The following PCDHB1 variants were observed in gnomAD, a reference collection of about 807,000 sequenced individuals.
PCDHB1 encodes protocadherin beta 1.
Under a neutral mutation model 43.5 loss-of-function variants are expected in PCDHB1, and 44 were observed. That is an observed-to-expected ratio of 1.01 (90% confidence interval 0.79 to 1.30). PCDHB1 has a LOEUF of 1.30. PCDHB1 is among the 50% of genes most tolerant of loss of function. The pLI is 0.00. For synonymous variants in PCDHB1, 392 were observed against 400.8 expected (o/e 0.98, Z 0.26); for missense variants, 919 against 1,008.9 (o/e 0.91, Z 1.21).
rs782541730 is a variant in PCDHB1 at position 141,053,016 on chromosome 5, G to A, written c.1546G>A (p.Ala516Thr). 31 of 1,614,040 alleles carry A rather than the reference G, an allele frequency of 1.9e-5. No homozygotes were observed. The African/African-American group carries it at 2.0e-4, about 10-fold the overall frequency. ...SINSGNGKLY[A>T]LRTMDYEAIQ... ...AAATTCAGGCAATGGGAAGCTCTAC[G>A]CGCTGAGAACCATGGATTATGAGGC... Residue 516 changes from alanine to threonine, a missense_variant, in exon 1 of 1, where the codon GCG (alanine) becomes ACG (threonine). Transcript: ENST00000306549.
In PCDHB1 at chr5:141,052,201, G is replaced by T. The variant is rs376346263; in HGVS notation, c.731G>T (p.Arg244Leu). Residue 244 changes from arginine (R) to leucine (L), a missense_variant, in exon 1 of 1, where the codon CGA (arginine) becomes CTA (leucine). Arg to Leu is a moderately radical substitution (Grantham distance 102). Coordinates refer to ENST00000306549, the MANE Select transcript of PCDHB1 (RefSeq NM_013340.4). ...AACGACCACGTGCCCCAGTTCTCGC[G>T]ACTGGTGTACAGAGCCCAGGTATCA... ...DVNDHVPQFSRLVYRAQVSEN... is the reference protein window; with the variant it reads ...DVNDHVPQFSLLVYRAQVSEN... 6.2e-6 allele frequency: 10 copies of T among 1,614,136 alleles called. No individual in the cohort carries two copies. Among genetic ancestry groups the T allele is most frequent in the Non-Finnish European group, 8.5e-6 (10 of 1,180,020 alleles).
At position 141,052,360 on chromosome 5, in the gene PCDHB1, A is replaced by T; in HGVS notation, c.890A>T (p.Gln297Leu). 6.2e-7 allele frequency: 1 copy of T among 1,614,260 alleles called. No individual in the cohort carries two copies. Among genetic ancestry groups the T allele is most frequent in the Non-Finnish European group, 8.5e-7 (1 of 1,180,046 alleles). ...AILKTFQIDP[Q>L]NGEVRLRGPL... ...CTCAAGACGTTTCAGATTGACCCTCAAAATGGAGAAGTTCGACTAAGAGGA... is the reference window on the plus strand; with the variant it reads ...CTCAAGACGTTTCAGATTGACCCTCTAAATGGAGAAGTTCGACTAAGAGGA... Residue 297 changes from glutamine to leucine, a missense_variant, in exon 1 of 1, where the codon CAA (glutamine) becomes CTA (leucine). Gln to Leu is a moderately radical substitution (Grantham distance 113). Transcript: ENST00000306549.
Position 141,052,077 on chromosome 5 carries a change from G to A in PCDHB1, c.607G>A (p.Glu203Lys). ...GGTGCTGAACAAACCCCTGGACCGA[G>A]AGGAGCAGCCTGAAGTCAACTTGAC... Reference protein sequence around the residue: ...ELVLNKPLDREEQPEVNLTIT... With the variant: ...ELVLNKPLDRKEQPEVNLTIT... The change falls in exon 1 of 1, where the codon GAG becomes AAG. Residue 203 changes from glutamate (E) to lysine (K), a missense_variant. Physicochemically the swap from Glu to Lys is moderately conservative, Grantham distance 56. Transcript: ENST00000306549. 5 of 1,614,164 alleles carry A rather than the reference G, an allele frequency of 3.1e-6. No homozygotes were observed. Among genetic ancestry groups the A allele is most frequent in the Non-Finnish European group, 4.2e-6 (5 of 1,180,036 alleles).
Position 141,051,717 on chromosome 5 carries a change from G to A in PCDHB1, c.247G>A (p.Asp83Asn). Residue 83 changes from aspartate to asparagine, a missense_variant, in exon 1 of 1, where the codon GAT (aspartate) becomes AAT (asparagine). Transcript: ENST00000306549. ...MHFRLHRKTG[D>N]LFVKEKLDRE... is the part of the protein sequence containing the mutation. ...TTTCCGGCTCCACCGCAAGACGGGA[G>A]ATTTGTTTGTGAAGGAGAAACTGGA... The A allele has an allele frequency of 6.2e-7, 1 of 1,614,264 alleles. No individual in the cohort carries two copies. The highest frequency in any genetic ancestry group is 8.5e-7 in the Non-Finnish European group (1 of 1,180,056).
chr5:141,053,403 G>A lies in PCDHB1; in HGVS notation c.1933G>A (p.Val645Ile). 6.2e-7 allele frequency: 1 copy of A among 1,614,164 alleles called. No homozygotes were observed. Among genetic ancestry groups the A allele is most frequent in the East Asian group, 2.2e-5 (1 of 44,882 alleles). Residue 645 changes from valine (V) to isoleucine (I), a missense_variant, in exon 1 of 1, where the codon GTT (valine) becomes ATT (isoleucine). Transcript: ENST00000306549. ...DPMMQKLIIL[V>I]QDHGQPALST... ...CATGATGCAGAAATTGATCATTCTT[G>A]TTCAGGATCACGGCCAACCAGCTCT...
Position 141,058,753 on chromosome 5 carries a change from A to G in PCDHB1, c.*4826A>G, listed in dbSNP as rs1341391996. 2 of 152,186 alleles carry G rather than the reference A, an allele frequency of 1.3e-5. No individual in the cohort carries two copies. Among genetic ancestry groups the G allele is most frequent in the East Asian group, 3.8e-4 (2 of 5,200 alleles). The allele number at this position is 152,186 out of a possible 1,614,324, so 9.4% of individuals were successfully genotyped here. A position where few individuals can be genotyped will look rare whatever the true frequency, so the allele number is the denominator to read the frequency against. On this transcript the variant is annotated 3_prime_UTR_variant, in exon 1 of 1. Coordinates refer to ENST00000306549, the MANE Select transcript of PCDHB1 (RefSeq NM_013340.4). Reference sequence around the variant, plus strand: ...TTGCTAGATATTTCCTGTGGCAATTAATATTGTGGCATTCTAATGGTGATT... The same window carrying G: ...TTGCTAGATATTTCCTGTGGCAATTGATATTGTGGCATTCTAATGGTGATT...
chr5:141,054,007 C>A lies in PCDHB1; in HGVS notation c.*80C>A, dbSNP rs1751068738. ...CAAAGATGTTACATCCTCATTAAAA[C>A]AAAAACTGGTAGTAGATTGCAGCTT... On this transcript the variant is annotated 3_prime_UTR_variant, in exon 1 of 1. Transcript: ENST00000306549. 1 of 1,205,024 alleles carries A rather than the reference C, an allele frequency of 8.3e-7. No individual in the cohort carries two copies. Among genetic ancestry groups the A allele is most frequent in the Non-Finnish European group, 1.2e-6 (1 of 854,406 alleles). The allele number at this position is 1,205,024 out of a possible 1,614,324, so 74.6% of individuals were successfully genotyped here.
Position 141,052,497 on chromosome 5 carries a change from A to G in PCDHB1, c.1027A>G (p.Asn343Asp). 6.2e-7 allele frequency: 1 copy of G among 1,614,094 alleles called. No homozygotes were observed. Among genetic ancestry groups the G allele is most frequent in the Non-Finnish European group, 8.5e-7 (1 of 1,179,958 alleles). ...GGTAGAAGTGGTGGATGTGAATGAC[A>G]ATCCTCCCGAAGTGATGGTCTCCTC... is the stretch of plus-strand genomic sequence containing the variant. ...VLVEVVDVNDNPPEVMVSSVS... is the reference protein window; with the variant it reads ...VLVEVVDVNDDPPEVMVSSVS... The change falls in exon 1 of 1, where the codon AAT (asparagine) becomes GAT (aspartate). Residue 343 changes from asparagine to aspartate, a missense_variant. Coordinates refer to ENST00000306549, the MANE Select transcript of PCDHB1 (RefSeq NM_013340.4).
Position 141,055,139 on chromosome 5 carries a change from G to A in PCDHB1, c.*1212G>A, listed in dbSNP as rs993379641. On this transcript the variant is annotated 3_prime_UTR_variant, in exon 1 of 1. Coordinates refer to ENST00000306549, the MANE Select transcript of PCDHB1 (RefSeq NM_013340.4). ...GTGGGTGAGGAAAAAAATAAAGTAT[G>A]ACGGCTGGGCACCGTGGCTCATGGC... is the stretch of plus-strand genomic sequence containing the variant. 1 of 152,156 alleles carries A rather than the reference G, an allele frequency of 6.6e-6. No individual in the cohort carries two copies. Among genetic ancestry groups the A allele is most frequent in the Admixed American group, 6.6e-5 (1 of 15,266 alleles). The allele number at this position is 152,156 out of a possible 1,614,324, so 9.4% of individuals were successfully genotyped here. A position where few individuals can be genotyped will look rare whatever the true frequency, so the allele number is the denominator to read the frequency against.
rs782799120 is a variant in PCDHB1, at chr5:141,052,783, T to C, written c.1313T>C (p.Ile438Thr). 3.1e-6 allele frequency: 5 copies of C among 1,614,066 alleles called. No homozygotes were observed. The South Asian group carries it at 3.3e-5, about 11-fold the overall frequency. ...CCTAGCTTGTCTGCCGAGACTATGA[T>C]AGAGGTGCTAATATCCGACGTTAAT... ...GPPSLSAETMIEVLISDVNDN... is the reference protein window; with the variant it reads ...GPPSLSAETMTEVLISDVNDN... Residue 438 changes from isoleucine (I) to threonine (T), a missense_variant, in exon 1 of 1, where the codon ATA becomes ACA. Transcript: ENST00000306549.
Position 141,051,641 on chromosome 5 carries a change from G to A in PCDHB1, c.171G>A (p.Gly57=). 2 of 1,614,270 alleles carry A rather than the reference G, an allele frequency of 1.2e-6. No individual in the cohort carries two copies. Among genetic ancestry groups the A allele is most frequent in the South Asian group, 1.1e-5 (1 of 91,086 alleles). The change falls in exon 1 of 1, where the codon GGG becomes GGA. Residue 57 remains glycine (G), a synonymous_variant. Transcript: ENST00000306549. The part of the protein sequence containing the change: ...NVAKDLGLEV[G]KLAARGARLV... ...CTAAGGACCTAGGACTGGAGGTAGG[G>A]AAGCTGGCTGCGCGCGGGGCGCGGC...
chr5:141,051,427 G>A lies in PCDHB1; in HGVS notation c.-44G>A, dbSNP rs782606270. On this transcript the variant is annotated 5_prime_UTR_variant, in exon 1 of 1. Transcript: ENST00000306549. ...GTTGCAGAAAAGTGAAAGTATATCC[G>A]CAACAGTTGGCTCTGATTGCAGAGA... 3.1e-6 allele frequency: 5 copies of A among 1,599,260 alleles called. No individual in the cohort carries two copies. The African/African-American group carries it at 4.0e-5, about 13-fold the overall frequency.
rs2233593 is a variant in PCDHB1 at position 141,053,257 on chromosome 5, A to G, written c.1787A>G (p.Asp596Gly). 257 of 1,614,178 alleles carry G rather than the reference A, an allele frequency of 1.6e-4. 1 individual carries two copies. The highest frequency in any genetic ancestry group is 1.1e-3 in the Admixed American group (68 of 60,022). ...ACCAAAGTGGTGGCTGTGGATGGTG[A>G]CTCAGGTCAGAATTCTTGGCTTTCA... is the stretch of plus-strand genomic sequence containing the variant. ...LVTKVVAVDG[D>G]SGQNSWLSYH... The change falls in exon 1 of 1, where the codon GAC (aspartate) becomes GGC (glycine). Residue 596 changes from aspartate (D) to glycine (G), a missense_variant. By Grantham distance (94) the Asp-to-Gly change is moderately conservative. Coordinates refer to ENST00000306549, the MANE Select transcript of PCDHB1 (RefSeq NM_013340.4).
chr5:141,054,385 C>CT lies in PCDHB1; in HGVS notation c.*463dup, dbSNP rs1751077707. The CT allele has an allele frequency of 2.5e-5, 4 of 157,238 alleles. No homozygotes were observed. Among genetic ancestry groups the CT allele is most frequent in the Admixed American group, 2.4e-4 (4 of 16,456 alleles). The allele number at this position is 157,238 out of a possible 1,614,324, so 9.7% of individuals were successfully genotyped here. ...TGCATAGGGAAGAGAACTACCTTCC[C>CT]TTTTTGATATATTGGGAAGTGATTA... is the stretch of plus-strand genomic sequence containing the variant. On this transcript the variant is annotated 3_prime_UTR_variant, in exon 1 of 1. Coordinates refer to ENST00000306549, the MANE Select transcript of PCDHB1 (RefSeq NM_013340.4).
In PCDHB1 at chr5:141,054,284, G is replaced by T; in HGVS notation, c.*357G>T. ...TTTTCCTTAGAAGTTCATTGGTCCT[G>T]GCCCAGGAAATACTTAGTTCCATAG... On this transcript the variant is annotated 3_prime_UTR_variant, in exon 1 of 1. Transcript: ENST00000306549. 1 of 189,116 alleles carries T rather than the reference G, an allele frequency of 5.3e-6. No homozygotes were observed. Among genetic ancestry groups the T allele is most frequent in the Admixed American group, 5.3e-5 (1 of 18,852 alleles). The allele number at this position is 189,116 out of a possible 1,614,324, so 11.7% of individuals were successfully genotyped here.
Position 141,051,721 on chromosome 5 carries a change from T to C in PCDHB1, c.251T>C (p.Leu84Ser). 6.2e-7 allele frequency: 1 copy of C among 1,614,216 alleles called. No individual in the cohort carries two copies. Among genetic ancestry groups the C allele is most frequent in the South Asian group, 1.1e-5 (1 of 91,080 alleles). ...CGGCTCCACCGCAAGACGGGAGATT[T>C]GTTTGTGAAGGAGAAACTGGATCGG... ...HFRLHRKTGD[L>S]FVKEKLDRES... Residue 84 changes from leucine (L) to serine (S), a missense_variant, in exon 1 of 1, where the codon TTG becomes TCG. By Grantham distance (145) the Leu-to-Ser change is moderately radical (BLOSUM62 -2). Transcript: ENST00000306549.
rs1212515769 is a variant in PCDHB1, at chr5:141,054,026, G to T, written c.*99G>T. The T allele has an allele frequency of 4.1e-6, 4 of 979,610 alleles. No homozygotes were observed. The highest frequency in any genetic ancestry group is 6.0e-6 in the Non-Finnish European group (4 of 662,102). The allele number at this position is 979,610 out of a possible 1,614,324, so 60.7% of individuals were successfully genotyped here. ...TTAAAACAAAAACTGGTAGTAGATT[G>T]CAGCTTTAGTAAAGATAAGAGTACT... is the stretch of plus-strand genomic sequence containing the variant. On this transcript the variant is annotated 3_prime_UTR_variant, in exon 1 of 1. Transcript: ENST00000306549.
chr5:141,056,563 A>C lies in PCDHB1; in HGVS notation c.*2636A>C, dbSNP rs1219996917. ...TTCCAATTGGTGAAGGCATGCTGAA[A>C]TTTCTATTTCCTTTAAATGAAAAAG... On this transcript the variant is annotated 3_prime_UTR_variant, in exon 1 of 1. Transcript: ENST00000306549. The C allele has an allele frequency of 6.6e-6, 1 of 152,156 alleles. No individual in the cohort carries two copies. The highest frequency in any genetic ancestry group is 1.5e-5 in the Non-Finnish European group (1 of 68,034). 9.4% of individuals were successfully genotyped at this position (152,156 alleles called of 1,614,324 possible).
rs1393925010 is a variant in PCDHB1 at position 141,058,802 on chromosome 5, C to A, written c.*4875C>A. 6.6e-6 allele frequency: 1 copy of A among 152,098 alleles called. No individual in the cohort carries two copies. Among genetic ancestry groups the A allele is most frequent in the Admixed American group, 6.5e-5 (1 of 15,268 alleles). 9.4% of individuals were successfully genotyped at this position (152,098 alleles called of 1,614,324 possible). On this transcript the variant is annotated 3_prime_UTR_variant, in exon 1 of 1. Transcript: ENST00000306549. ...TTTTCTATTTCTCTATTTCCTTTTA[C>A]ATTAATTAAAATTCTTCTGGAAGGA... is the stretch of plus-strand genomic sequence containing the variant.
Sources: allele counts gnomAD v4.1 joint callset, GRCh38; gene constraint gnomAD v4.1.1; transcripts MANE v1.5; gene names NCBI Gene and HGNC (gene_info 2026-07-23, HGNC 2026-07-21).